GRIP1: variants seen among roughly 807,000 people sequenced by gnomAD.
The protein encoded by GRIP1 is glutamate receptor-interacting protein 1.
In GRIP1, 45 loss-of-function variants were observed where a neutral mutation model predicts 129.9. The ratio of observed to expected loss-of-function variants is 0.35; its 90% CI spans 0.27 to 0.44. The LOEUF (loss-of-function observed/expected upper bound fraction) is 0.44, where lower values mean the gene tolerates loss of function less well. Among genes scored for constraint, GRIP1 ranks in the 20% least tolerant of loss-of-function variants. The pLI, the probability that GRIP1 is intolerant of heterozygous loss-of-function variation, is 1.00. For missense variants in GRIP1, 1,196 were observed against 1,396.8 expected (o/e 0.86, Z 2.29); for synonymous variants, 530 against 520.8 (o/e 1.02, Z -0.24).
chr12:66,433,717 T>C (rs2058217556), intron 13 of GRIP1, among the ~76,000 whole-genome samples: 1 of 152,244 alleles, frequency 6.6e-6, no homozygotes, highest in East Asian at 1.9e-4. Context: ...CTATTCATGC[T>C]AAGTTGCTAA....
At chr12:67,014,543 C>T (rs995852598) in intron 1 of GRIP1, among the ~76,000 whole-genome samples, 15 of 152,050 alleles carry the variant, frequency 9.9e-5, no homozygotes, top group African/African-American at 3.6e-4. Flanking sequence ...GAGAGGCTAC[C>T]ACATTAAAGC....
intron 1 of GRIP1, among the ~76,000 whole-genome samples, chr12:66,949,920 C>T (rs1461327084): frequency 6.6e-6 from 1 of 151,930 alleles, no homozygotes; most frequent in Non-Finnish European, 1.5e-5. Context: ...AGGTGCCCGC[C>T]ACCACGCCCG....
At chr12:66,972,421 G>A (rs1250185658) in intron 1 of GRIP1, among the ~76,000 whole-genome samples, 1 of 152,200 alleles carries the variant, frequency 6.6e-6, no homozygotes, top group Non-Finnish European at 1.5e-5. Flanking sequence ...CAAAACTTCA[G>A]AGCAGCTCTG....
At chr12:66,593,535 A>C (rs1440058131) in intron 2 of GRIP1, among the ~76,000 whole-genome samples, 2 of 152,088 alleles carry the variant, frequency 1.3e-5, no homozygotes, top group African/African-American at 4.8e-5. Context: ...ATAAATGTTA[A>C]CTTCAGGAAG....
At position 66,998,091 on chromosome 12, in the gene GRIP1, T is replaced by G. The variant is rs549659910; in HGVS notation, c.58+70959A>C. Among the ~76,000 whole-genome samples the G allele has an allele frequency of 4.0e-4, 61 of 152,294 alleles. 1 individual carries two copies. Among genetic ancestry groups the G allele is most frequent in the African/African-American group, 1.4e-3 (60 of 41,556 alleles). On this transcript the variant is annotated intron_variant, in intron 1 of 1. Coordinates refer to the GRIP1 transcript ENST00000643019. ...TGGGGTAATGTCTATAACTGTGATGTCCAAAACAGTAGCTGCTATCCATAT... is the reference window on the plus strand; with the variant it reads ...TGGGGTAATGTCTATAACTGTGATGGCCAAAACAGTAGCTGCTATCCATAT...
chr12:66,436,386 A>G (rs1379569724), intron 13 of GRIP1, among the ~76,000 whole-genome samples: 1 of 152,160 alleles, frequency 6.6e-6, no homozygotes. Context: ...TCTTTCCAGA[A>G]CAAAGATATA....
intron 1 of GRIP1, among the ~76,000 whole-genome samples, chr12:66,711,297 G>A (rs192075097): frequency 6.2e-4 from 94 of 151,946 alleles, no homozygotes; most frequent in African/African-American, 1.8e-3. Flanking sequence ...AAATGAATTC[G>A]TAATTGATGC....
intron 1 of GRIP1, among the ~76,000 whole-genome samples, chr12:66,744,310 TCTTCC>T (rs1478732752): frequency 1.3e-5 from 2 of 152,202 alleles, no homozygotes; most frequent in Non-Finnish European, 1.5e-5. Context: ...ATAGGCTTTC[TCTTCC>T]CTTTCACGCT....
intron 7 of GRIP1, among the ~76,000 whole-genome samples, chr12:66,472,892 G>A (rs1183324122): frequency 6.6e-6 from 1 of 152,180 alleles, no homozygotes; most frequent in Non-Finnish European, 1.5e-5. Flanking sequence ...GCACAAAACT[G>A]GGCGGCCACT....
intron 2 of GRIP1, among the ~76,000 whole-genome samples, chr12:66,586,546 C>T (rs978656380): frequency 6.6e-6 from 1 of 152,122 alleles, no homozygotes; most frequent in African/African-American, 2.4e-5. Flanking sequence ...CTGAGAGCTT[C>T]AAAATTTCTA....
chr12:66,882,347 G>A (rs898141746), intron 1 of GRIP1, among the ~76,000 whole-genome samples: 9 of 152,110 alleles, frequency 5.9e-5, no homozygotes, highest in Non-Finnish European at 1.3e-4. Context: ...ACAGACAGAA[G>A]ACTCCAAGAT....
In GRIP1 at chr12:66,720,181, G is replaced by A. The variant is rs148077470; in HGVS notation, c.-420+83872C>T. ...AATAAATCAAGTCTCAAGAATTTTGGGGTTTCCCAGTGCATATAGAAGTTA... is the reference window on the plus strand; with the variant it reads ...AATAAATCAAGTCTCAAGAATTTTGAGGTTTCCCAGTGCATATAGAAGTTA... On this transcript the variant is annotated intron_variant, in intron 1 of 4. Coordinates refer to the GRIP1 transcript ENST00000538373. Among the ~76,000 whole-genome samples, 287 of 152,186 alleles carry A rather than the reference G, an allele frequency of 1.9e-3. 1 individual carries two copies. Among genetic ancestry groups the A allele is most frequent in the African/African-American group, 6.7e-3 (277 of 41,530 alleles).
chr12:66,369,391 A>G (rs999532345), intron 23 of GRIP1, among the ~76,000 whole-genome samples: 8 of 134,730 alleles, frequency 5.9e-5, no homozygotes, highest in African/African-American at 1.8e-4. Flanking sequence ...AACCTCAGCT[A>G]TAACAACACT....
chr12:66,605,347 A>C (rs1257982061), intron 1 of GRIP1, among the ~76,000 whole-genome samples: 2 of 152,140 alleles, frequency 1.3e-5, no homozygotes, highest in Non-Finnish European at 1.5e-5. Flanking sequence ...CTTTCTGTTA[A>C]ATCAGGGCTC....
chr12:66,667,428 A>C (rs1381452369), intron 1 of GRIP1, among the ~76,000 whole-genome samples: 1 of 152,156 alleles, frequency 6.6e-6, no homozygotes, highest in Non-Finnish European at 1.5e-5. Context: ...TTGTTCCTGA[A>C]TCACCTCTTC....
chr12:66,498,696 AG>A lies in GRIP1; in HGVS notation c.724+16922del, dbSNP rs894589216. Among the ~76,000 whole-genome samples, 5 of 150,014 alleles carry A rather than the reference AG, an allele frequency of 3.3e-5. No individual in the cohort carries two copies. In the Admixed American group the frequency reaches 3.4e-4, roughly 10 times the overall value. On this transcript the variant is annotated intron_variant, in intron 7 of 24. Coordinates refer to ENST00000359742, the MANE Select transcript of GRIP1 (RefSeq NM_001366722.1). ...CTTTGACACTTATAAACTGTCATAC[AG>A]GCAAAAAAAAAATGTATTTGAGATT... is the stretch of plus-strand genomic sequence containing the variant.
intron 1 of GRIP1, among the ~76,000 whole-genome samples, chr12:66,899,085 G>A (rs1272947233): frequency 1.3e-5 from 2 of 152,082 alleles, no homozygotes; most frequent in Non-Finnish European, 2.9e-5. Context: ...ATTTCTGCCT[G>A]GGTAACTCAC....
At chr12:66,520,070 T>C (rs777552916) in intron 5 of GRIP1, among the ~76,000 whole-genome samples, 6 of 152,206 alleles carry the variant, frequency 3.9e-5, no homozygotes, top group Non-Finnish European at 7.4e-5. Flanking sequence ...ATTCATCAGC[T>C]AAAAGCTTAA....
chr12:67,053,302 T>C (rs973042177), intron 1 of GRIP1, among the ~76,000 whole-genome samples: 9 of 152,344 alleles, frequency 5.9e-5, no homozygotes, highest in South Asian at 2.1e-4. Context: ...CTTGGGAATA[T>C]AGAAGTATAG....
Sources: gnomAD v4.1 joint callset for allele counts (sites outside exome capture counted in the v4.1 genomes callset) on GRCh38, gnomAD v4.1.1 for gene constraint, MANE v1.5 for transcripts, NCBI Gene and HGNC (gene_info 2026-07-23, HGNC 2026-07-21) for gene names.